The following MDGA2 variants were observed in gnomAD, a reference collection of about 807,000 sequenced individuals.
MDGA2 encodes MAM domain containing glycosylphosphatidylinositol anchor 2.
A neutral mutation model predicts 117.8 loss-of-function variants in MDGA2; 40 were observed. That is an observed-to-expected ratio of 0.34 (90% confidence interval 0.26 to 0.44). The LOEUF (loss-of-function observed/expected upper bound fraction) is 0.44. Ranked by LOEUF, MDGA2 falls within the 20% of genes least tolerant of loss-of-function variation. The pLI is 1.00. For synonymous variants in MDGA2, 452 were observed against 439.0 expected, an observed-to-expected ratio of 1.03 and a Z score of -0.37; for missense variants, 1,123 against 1,250.6, an observed-to-expected ratio of 0.90 and a Z score of 1.54.
intron 1 of MDGA2, among the ~76,000 whole-genome samples, chr14:47,336,192 T>A (rs182889558): frequency 1.1e-4 from 16 of 152,064 alleles, no homozygotes; most frequent in Admixed American, 9.2e-4. Context: ...ATTTAGGAGA[T>A]GTCTTGTAGA....
chr14:47,153,248 C>T (rs756787972), intron 3 of MDGA2, among the ~76,000 whole-genome samples: 1 of 152,094 alleles, frequency 6.6e-6, no homozygotes, highest in Non-Finnish European at 1.5e-5. Context: ...GTGGTAACAA[C>T]TGAGATGAAC....
chr14:46,841,913 G>A lies in MDGA2; in HGVS notation c.*18C>T. On this transcript the variant is annotated 3_prime_UTR_variant, in exon 17 of 17. Coordinates refer to ENST00000399232, the MANE Select transcript of MDGA2 (RefSeq NM_001113498.3). ...GCCAGTGCCTGGTGAATCTTTTATA[G>A]CCTCTGCCAGGATAAGGTCACCTTC... 1 of 1,542,038 alleles carries A rather than the reference G, an allele frequency of 6.5e-7. No individual in the cohort carries two copies. The highest frequency in any genetic ancestry group is 1.2e-5 in the South Asian group (1 of 86,290).
chr14:46,870,161 A>G (rs1881939585), intron 14 of MDGA2, among the ~76,000 whole-genome samples: 1 of 152,004 alleles, frequency 6.6e-6, no homozygotes, highest in Non-Finnish European at 1.5e-5. Flanking sequence ...GTAATGCAAC[A>G]TATTTAACTT....
intron 1 of MDGA2, among the ~76,000 whole-genome samples, chr14:47,540,881 T>C (rs1181583215): frequency 6.6e-6 from 1 of 152,126 alleles, no homozygotes; most frequent in Non-Finnish European, 1.5e-5. Context: ...TATATTTTAT[T>C]TGATTGGTAA....
At position 47,082,274 on chromosome 14, in the gene MDGA2, G is replaced by C. The variant is rs557066136; in HGVS notation, c.1195+14580C>G. ...AATGAGATTTTTTTAAGTCCTTTTT[G>C]AAAGTATCAGATATCAGTTCAGGCA... On this transcript the variant is annotated intron_variant, in intron 6 of 16. Coordinates refer to ENST00000399232, the MANE Select transcript of MDGA2 (RefSeq NM_001113498.3). 6.0e-4 allele frequency among the ~76,000 whole-genome samples: 90 copies of C among 149,832 alleles called. 1 individual carries two copies. The highest frequency in any genetic ancestry group is 2.2e-3 in the African/African-American group (90 of 40,908).
chr14:47,675,040 C>T lies in MDGA2; in HGVS notation c.-244G>A, dbSNP rs1479772464. ...CCGGCGGCGGGCGCGGGCAGGGGGC[C>T]GGGGGTGCCGCGCGGTAGGAGCCTG... is the stretch of plus-strand genomic sequence containing the variant. On this transcript the variant is annotated 5_prime_UTR_variant, in exon 1 of 17. Coordinates refer to ENST00000399232, the MANE Select transcript of MDGA2 (RefSeq NM_001113498.3). 1.1e-5 allele frequency: 2 copies of T among 180,508 alleles called. No individual in the cohort carries two copies. The highest frequency in any genetic ancestry group is 2.4e-5 in the African/African-American group (1 of 41,934). 11.2% of individuals were successfully genotyped at this position (180,508 alleles called of 1,614,324 possible).
chr14:47,365,310 G>T (rs1010712684), intron 1 of MDGA2, among the ~76,000 whole-genome samples: 1 of 152,192 alleles, frequency 6.6e-6, no homozygotes, highest in Admixed American at 6.5e-5. Flanking sequence ...TTCTGTTAAG[G>T]TTCTCCCGTG....
At chr14:47,659,096 A>G (rs1594967731) in intron 1 of MDGA2, among the ~76,000 whole-genome samples, 1 of 152,302 alleles carries the variant, frequency 6.6e-6, no homozygotes, top group East Asian at 1.9e-4. Flanking sequence ...GATCTATTCT[A>G]TTAATCCTCA....
At chr14:47,114,295 C>T (rs1469554985) in intron 5 of MDGA2, among the ~76,000 whole-genome samples, 1 of 152,190 alleles carries the variant, frequency 6.6e-6, no homozygotes, top group Non-Finnish European at 1.5e-5. Flanking sequence ...AATGGAAGAA[C>T]ATTCCATGTT....
intron 1 of MDGA2, among the ~76,000 whole-genome samples, chr14:47,415,498 T>C (rs1227974955): frequency 6.6e-6 from 1 of 152,166 alleles, no homozygotes; most frequent in Non-Finnish European, 1.5e-5. Context: ...CAGTATATAG[T>C]TATAATTGTT....
At chr14:47,392,748 T>C (rs1219189506) in intron 1 of MDGA2, among the ~76,000 whole-genome samples, 2 of 152,128 alleles carry the variant, frequency 1.3e-5, no homozygotes, top group Non-Finnish European at 1.5e-5. Flanking sequence ...TAGACATACA[T>C]ATTTTTAAAC....
chr14:47,635,425 A>G (rs577650679), intron 1 of MDGA2, among the ~76,000 whole-genome samples: 1 of 152,276 alleles, frequency 6.6e-6, no homozygotes, highest in Admixed American at 6.5e-5. Flanking sequence ...CTGACGTAGT[A>G]TCTAACACAG....
chr14:46,887,679 T>G (rs1219704034), intron 10 of MDGA2, among the ~76,000 whole-genome samples: 1 of 151,886 alleles, frequency 6.6e-6, no homozygotes, highest in Admixed American at 6.6e-5. Flanking sequence ...TAGTTAATAC[T>G]AGGTATTATG....
At chr14:47,103,487 C>T (rs1360780362) in intron 5 of MDGA2, among the ~76,000 whole-genome samples, 1 of 152,136 alleles carries the variant, frequency 6.6e-6, no homozygotes, top group Non-Finnish European at 1.5e-5. Flanking sequence ...TCATGAAGCC[C>T]AAGATTGGTA....
At chr14:47,096,460 G>C (rs946213092) in intron 6 of MDGA2, among the ~76,000 whole-genome samples, 1 of 151,740 alleles carries the variant, frequency 6.6e-6, no homozygotes, top group Non-Finnish European at 1.5e-5. Context: ...ATTGTAATAG[G>C]GGCTCAATAA....
intron 1 of MDGA2, among the ~76,000 whole-genome samples, chr14:47,404,236 A>G (rs1433406400): frequency 1.3e-5 from 2 of 151,088 alleles, no homozygotes; most frequent in Admixed American, 1.3e-4. Flanking sequence ...CCCAGGCTGG[A>G]GTACAGTGAT....
At position 47,182,272 on chromosome 14, in the gene MDGA2, G is replaced by T. The variant is rs556895018; in HGVS notation, c.595+35749C>A. 7.9e-5 allele frequency among the ~76,000 whole-genome samples: 12 copies of T among 152,006 alleles called. No homozygotes were observed. The East Asian group carries it at 2.3e-3, about 29-fold the overall frequency. Reference sequence around the variant, plus strand: ...CAGATTAGAATTTTCAACTCATTTTGATATTGTAACTCTTATAGACTAAGT... The same window carrying T: ...CAGATTAGAATTTTCAACTCATTTTTATATTGTAACTCTTATAGACTAAGT... On this transcript the variant is annotated intron_variant, in intron 3 of 16. Coordinates refer to ENST00000399232, the MANE Select transcript of MDGA2 (RefSeq NM_001113498.3).
Position 47,674,657 on chromosome 14 carries a change from A to G in MDGA2, c.140T>C (p.Leu47Pro). The G allele has an allele frequency of 4.8e-6, 7 of 1,455,736 alleles. No individual in the cohort carries two copies. Among genetic ancestry groups the G allele is most frequent in the Admixed American group, 2.0e-5 (1 of 50,770 alleles). 90.2% of individuals were successfully genotyped at this position (1,455,736 alleles called of 1,614,324 possible). Residue 47 changes from leucine to proline, a missense_variant, in exon 1 of 17, where the codon CTG (leucine) becomes CCG (proline). Physicochemically the swap from Leu to Pro is moderately conservative, Grantham distance 98. Transcript: ENST00000399232. ...LARARVERAW[L>P]AAGLLKVPLR... ...CGGGACCTTCAGGAGGCCGGCGGCCAGCCAGGCGCGCTCCACTCGCGCCCG... is the reference window on the plus strand; with the variant it reads ...CGGGACCTTCAGGAGGCCGGCGGCCGGCCAGGCGCGCTCCACTCGCGCCCG...
At chr14:47,206,009 A>G (rs1156648503) in intron 3 of MDGA2, among the ~76,000 whole-genome samples, 15 of 152,072 alleles carry the variant, frequency 9.9e-5, no homozygotes, top group Non-Finnish European at 1.5e-5. Flanking sequence ...GGCACTATTC[A>G]AAAACATTGT....
Sources: allele counts gnomAD v4.1 joint callset (sites outside exome capture counted in the v4.1 genomes callset), GRCh38; gene constraint gnomAD v4.1.1; transcripts MANE v1.5; gene names NCBI Gene and HGNC (gene_info 2026-07-23, HGNC 2026-07-21).